CATSPERB: variants seen among roughly 807,000 people sequenced by gnomAD.
CATSPERB encodes the protein catsper channel auxiliary subunit beta.
CATSPERB carries 93 observed loss-of-function variants against 128.3 expected under a neutral mutation model. That is an observed-to-expected ratio of 0.72 (90% CI 0.61 to 0.86). CATSPERB has a LOEUF of 0.86. CATSPERB is among the 40% of genes least tolerant of loss of function. The pLI, the probability that CATSPERB is intolerant of heterozygous loss-of-function variation, is 0.00. For synonymous variants in CATSPERB, 381 were observed against 448.8 expected, an observed-to-expected ratio of 0.85 and a Z score of 1.91; for missense variants, 1,153 against 1,329.5, an observed-to-expected ratio of 0.87 and a Z score of 2.06.
intron 15 of CATSPERB, among the ~76,000 whole-genome samples, chr14:91,654,415 A>G (rs1017939691): frequency 6.6e-6 from 1 of 152,222 alleles, no homozygotes; most frequent in African/African-American, 2.4e-5. Context: ...AGCATTCACC[A>G]GAAGCTGACT....
chr14:91,670,730 G>T (rs1027663526), intron 13 of CATSPERB, among the ~76,000 whole-genome samples: 1 of 151,736 alleles, frequency 6.6e-6, no homozygotes, highest in Non-Finnish European at 1.5e-5. Context: ...TTGGCCAGGC[G>T]CAGTGGCTTA....
intron 6 of CATSPERB, among the ~76,000 whole-genome samples, chr14:91,707,278 T>G (rs999229445): frequency 3.3e-4 from 51 of 152,304 alleles, no homozygotes; most frequent in African/African-American, 1.0e-3. Context: ...AGCTTTTTGC[T>G]GCAATTATAC....
At chr14:91,716,555 G>A (rs1895942688) in intron 5 of CATSPERB, among the ~76,000 whole-genome samples, 2 of 152,036 alleles carry the variant, frequency 1.3e-5, no homozygotes, top group Non-Finnish European at 2.9e-5. Context: ...TCCAGCCTGG[G>A]CAACAGAGCA....
At chr14:91,670,489 T>A (rs905306922) in intron 13 of CATSPERB, among the ~76,000 whole-genome samples, 1 of 151,534 alleles carries the variant, frequency 6.6e-6, no homozygotes, top group South Asian at 2.1e-4. Context: ...AACAGCCTGG[T>A]CAACAAAGTG....
At chr14:91,657,892 G>A (rs1894813042) in intron 15 of CATSPERB, among the ~76,000 whole-genome samples, 1 of 152,154 alleles carries the variant, frequency 6.6e-6, no homozygotes, top group Non-Finnish European at 1.5e-5. Context: ...AGGATGTGGA[G>A]AAAAGGGAAC....
At chr14:91,597,716 T>C (rs1182011047) in intron 22 of CATSPERB, among the ~76,000 whole-genome samples, 2 of 152,178 alleles carry the variant, frequency 1.3e-5, no homozygotes, top group African/African-American at 4.8e-5. Context: ...TCTTGCCCTG[T>C]GTCTCAGGAA....
intron 15 of CATSPERB, among the ~76,000 whole-genome samples, chr14:91,640,380 G>A: frequency 1.0e-5 from 1 of 97,254 alleles, no homozygotes; most frequent in Non-Finnish European, 2.1e-5. Flanking sequence ...ATCTCCCAAT[G>A]CTATCCCTCC....
intron 18 of CATSPERB, among the ~76,000 whole-genome samples, chr14:91,622,465 G>T (rs1399514231): frequency 1.3e-5 from 2 of 152,172 alleles, no homozygotes; most frequent in African/African-American, 4.8e-5. Context: ...AAGGGAAAAA[G>T]ATCCTCTCAC....
intron 15 of CATSPERB, among the ~76,000 whole-genome samples, chr14:91,650,728 G>C (rs1894690798): frequency 6.7e-6 from 1 of 149,190 alleles, no homozygotes; most frequent in South Asian, 2.1e-4. Context: ...ATTTCTATCA[G>C]AGGGCTATAC....
At chr14:91,587,110 G>T in intron 26 of CATSPERB, 92 bp downstream of exon 26, 3 of 971,532 alleles carry the variant, frequency 3.1e-6, no homozygotes, top group Non-Finnish European at 4.6e-6. Flanking sequence ...CACAAATTCT[G>T]CCAATTTTTT....
chr14:91,669,824 T>A lies in CATSPERB; in HGVS notation c.1277A>T (p.Tyr426Phe), dbSNP rs775392195. Reference sequence around the variant, plus strand: ...TCCATGTGTACGCACCTGATTGCCATAAGCATACAAAAAGTGGCTTCGGGG... The same window carrying A: ...TCCATGTGTACGCACCTGATTGCCAAAAGCATACAAAAAGTGGCTTCGGGG... The part of the protein sequence containing the change: ...FHPRSHFLYA[Y>F]GNQIWLSVDG... Residue 426 changes from tyrosine to phenylalanine, a missense_variant, in exon 14 of 27, where the codon TAT (tyrosine) becomes TTT (phenylalanine). Physicochemically the swap from Tyr to Phe is conservative, Grantham distance 22. Transcript: ENST00000256343. 1.2e-6 allele frequency: 2 copies of A among 1,612,666 alleles called. No individual in the cohort carries two copies. The highest frequency in any genetic ancestry group is 1.1e-5 in the South Asian group (1 of 90,696).
At chr14:91,676,397 C>G (rs932263132) in intron 11 of CATSPERB, among the ~76,000 whole-genome samples, 1 of 152,050 alleles carries the variant, frequency 6.6e-6, no homozygotes, top group Admixed American at 6.5e-5. Context: ...TCCAGCTGGT[C>G]ACATATTATG....
intron 17 of CATSPERB, among the ~76,000 whole-genome samples, chr14:91,626,200 A>G (rs1340126002): frequency 6.6e-6 from 1 of 152,154 alleles, no homozygotes; most frequent in Non-Finnish European, 1.5e-5. Context: ...TCCTAAGAAG[A>G]TAACATAGGA....
At chr14:91,603,409 G>T in intron 22 of CATSPERB, 6 of 1,605,486 alleles carry the variant, frequency 3.7e-6, no homozygotes, top group Non-Finnish European at 5.1e-6. Flanking sequence ...TAAGCAGCAC[G>T]TCCTCATCCT....
intron 5 of CATSPERB, among the ~76,000 whole-genome samples, chr14:91,715,881 C>T (rs1477377955): frequency 1.3e-5 from 2 of 152,064 alleles, no homozygotes; most frequent in Non-Finnish European, 2.9e-5. Flanking sequence ...ACTGGGTATC[C>T]ATATTCCAAA....
At chr14:91,719,557 A>T in intron 4 of CATSPERB, 79 bp from the exon 5 acceptor site, 1 of 1,142,306 alleles carries the variant, frequency 8.8e-7, no homozygotes, top group Non-Finnish European at 1.3e-6. Flanking sequence ...ATATTTTTAA[A>T]AGAGAATTAA....
At position 91,610,527 on chromosome 14, in the gene CATSPERB, C is replaced by T. The variant is rs1044887063; in HGVS notation, c.2551G>A (p.Gly851Arg). Residue 851 changes from glycine to arginine, a missense_variant, in exon 21 of 27, where the codon GGA becomes AGA. Physicochemically the swap from Gly to Arg is moderately radical, Grantham distance 125 (BLOSUM62 -2). Coordinates refer to ENST00000256343, the MANE Select transcript of CATSPERB (RefSeq NM_024764.4). ...KFIPFEDWIS[G>R]VHKDSQGFNL... ...AAACCCTGACTGTCTTTATGAACTC[C>T]ACTAATCCAGTCTTCAAATGGGATA... is the stretch of plus-strand genomic sequence containing the variant. 1 of 1,613,918 alleles carries T rather than the reference C, an allele frequency of 6.2e-7. No homozygotes were observed. Among genetic ancestry groups the T allele is most frequent in the East Asian group, 2.2e-5 (1 of 44,878 alleles).
intron 11 of CATSPERB, among the ~76,000 whole-genome samples, chr14:91,676,388 C>T (rs1363083860): frequency 6.6e-6 from 1 of 152,108 alleles, no homozygotes; most frequent in Non-Finnish European, 1.5e-5. Flanking sequence ...CTTTGGGACT[C>T]CAGCTGGTCA....
At chr14:91,701,710 C>G (rs1408229008) in intron 7 of CATSPERB, among the ~76,000 whole-genome samples, 1 of 152,086 alleles carries the variant, frequency 6.6e-6, no homozygotes, top group Non-Finnish European at 1.5e-5. Flanking sequence ...CCACCATTAA[C>G]TCCATGTGGT....
Sources: gnomAD v4.1 joint callset for allele counts (sites outside exome capture counted in the v4.1 genomes callset) on GRCh38, gnomAD v4.1.1 for gene constraint, MANE v1.5 for transcripts, NCBI Gene and HGNC (gene_info 2026-07-23, HGNC 2026-07-21) for gene names.